The following PDGFD variants were observed in gnomAD, a reference collection of about 807,000 sequenced individuals.
The protein encoded by PDGFD is platelet derived growth factor D.
A neutral mutation model predicts 44.7 loss-of-function variants in PDGFD; 30 were observed. That is an observed-to-expected ratio of 0.67 (90% CI 0.50 to 0.91). The LOEUF (loss-of-function observed/expected upper bound fraction) is 0.91. Among genes scored for constraint, PDGFD ranks in the 40% least tolerant of loss-of-function variants. PDGFD has a pLI of 0.00. For synonymous variants in PDGFD, 173 were observed against 168.4 expected (o/e 1.03, Z -0.21); for missense variants, 445 against 457.8 (o/e 0.97, Z 0.25).
In PDGFD at chr11:103,909,781, A is replaced by G; in HGVS notation, c.1026T>C (p.Gly342=). 6.2e-7 allele frequency: 1 copy of G among 1,614,082 alleles called. No homozygotes were observed. The highest frequency in any genetic ancestry group is 8.5e-7 in the Non-Finnish European group (1 of 1,179,976). The change falls in exon 7 of 7, where the codon GGT becomes GGC. Residue 342 remains glycine (G), a synonymous_variant. Coordinates refer to ENST00000393158, the MANE Select transcript of PDGFD (RefSeq NM_025208.5). ...CAACTAGAGCCATGGTCTTAGCTCT[A>G]CCCCTCCTCTTGATGTGGCCAGGCT... ...QFEPGHIKRR[G]RAKTMALVDI... is the part of the protein sequence containing the mutation.
chr11:104,136,743 C>G (rs1333430360), intron 1 of PDGFD, among the ~76,000 whole-genome samples: 1 of 152,152 alleles, frequency 6.6e-6, no homozygotes, highest in East Asian at 1.9e-4. Context: ...CATACTAAAT[C>G]TAAGTCAACA....
intron 3 of PDGFD, among the ~76,000 whole-genome samples, chr11:103,991,033 G>A (rs1859442989): frequency 6.6e-6 from 1 of 152,008 alleles, no homozygotes; most frequent in Non-Finnish European, 1.5e-5. Context: ...CAGCTACTCA[G>A]GAGGCTGAGG....
chr11:104,140,303 T>C (rs1414404491), intron 1 of PDGFD, among the ~76,000 whole-genome samples: 1 of 152,080 alleles, frequency 6.6e-6, no homozygotes, highest in East Asian at 1.9e-4. Flanking sequence ...AAGGTCCTAA[T>C]TAAAGAAAAA....
chr11:104,114,306 T>TC (rs1861600964), intron 1 of PDGFD, among the ~76,000 whole-genome samples: 1 of 151,426 alleles, frequency 6.6e-6, no homozygotes, highest in South Asian at 2.1e-4. Flanking sequence ...CATTTTTTTT[T>TC]CTGCATGTGG....
intron 1 of PDGFD, among the ~76,000 whole-genome samples, chr11:104,010,118 A>G (rs187651669): frequency 2.6e-5 from 4 of 152,248 alleles, no homozygotes; most frequent in Admixed American, 6.5e-5. Context: ...AGATCTCAGT[A>G]GTAATACAAA....
At chr11:103,940,939 G>C (rs1215234449) in intron 5 of PDGFD, among the ~76,000 whole-genome samples, 4 of 152,078 alleles carry the variant, frequency 2.6e-5, no homozygotes, top group Non-Finnish European at 4.4e-5. Flanking sequence ...TTTTAATAAA[G>C]CTACCCTCTC....
intron 3 of PDGFD, among the ~76,000 whole-genome samples, chr11:103,993,329 G>C (rs1467470714): frequency 1.3e-5 from 2 of 151,350 alleles, no homozygotes; most frequent in Non-Finnish European, 2.9e-5. Context: ...CTCCTGCCTC[G>C]GCCTCCCAAA....
chr11:103,964,383 T>C (rs937649552), intron 3 of PDGFD, among the ~76,000 whole-genome samples: 2 of 152,172 alleles, frequency 1.3e-5, no homozygotes, highest in African/African-American at 4.8e-5. Context: ...TAATGCAGCA[T>C]AACCTAGCAA....
intron 4 of PDGFD, among the ~76,000 whole-genome samples, chr11:103,947,301 G>T (rs112243206): frequency 6.6e-6 from 1 of 152,134 alleles, no homozygotes; most frequent in African/African-American, 2.4e-5. Flanking sequence ...AGGAATATTC[G>T]AAAGCTATTT....
rs770728809 is a variant in PDGFD at position 103,947,702 on chromosome 11, G to C, written c.533C>G (p.Ala178Gly). The change falls in exon 4 of 7, where the codon GCT becomes GGT. Residue 178 changes from alanine (A) to glycine (G), a missense_variant. Ala to Gly is a moderately conservative substitution (Grantham distance 60, BLOSUM62 0). Coordinates refer to ENST00000393158, the MANE Select transcript of PDGFD (RefSeq NM_025208.5). ...GACAGATTCCCAGTTGGTCTCTGAA[G>C]CTGCTGCGGGTTGGAAATCTTCCTG... Reference protein sequence around the residue: ...SLLEDFQPAAASETNWESVTS... With the variant: ...SLLEDFQPAAGSETNWESVTS... 2.6e-5 allele frequency: 42 copies of C among 1,613,482 alleles called. No individual in the cohort carries two copies. The highest frequency in any genetic ancestry group is 3.2e-5 in the Non-Finnish European group (38 of 1,179,638).
chr11:104,082,713 C>G (rs1021565100), intron 1 of PDGFD, among the ~76,000 whole-genome samples: 1 of 152,008 alleles, frequency 6.6e-6, no homozygotes, highest in East Asian at 1.9e-4. Context: ...CTCACTGCAG[C>G]CTTGAACTTC....
chr11:104,041,971 T>C (rs974640773), intron 1 of PDGFD, among the ~76,000 whole-genome samples: 4 of 152,194 alleles, frequency 2.6e-5, no homozygotes, highest in Non-Finnish European at 5.9e-5. Flanking sequence ...CCATAAGCAC[T>C]TAAGTGATGA....
intron 1 of PDGFD, chr11:104,036,864 G>A (rs1860246904): frequency 5.0e-6 from 8 of 1,614,110 alleles, no homozygotes; most frequent in South Asian, 3.3e-5. Context: ...ACCTCTCCGA[G>A]GTCACCTTCT....
intron 1 of PDGFD, among the ~76,000 whole-genome samples, chr11:104,083,511 T>C (rs1453371735): frequency 6.6e-6 from 1 of 152,214 alleles, no homozygotes. Context: ...TATCACTAGA[T>C]TTCTTCACAA....
At chr11:104,014,656 G>A (rs1260508189) in intron 1 of PDGFD, among the ~76,000 whole-genome samples, 1 of 152,206 alleles carries the variant, frequency 6.6e-6, no homozygotes, top group Non-Finnish European at 1.5e-5. Context: ...GGGATTGTGT[G>A]TGCCTACATT....
intron 5 of PDGFD, among the ~76,000 whole-genome samples, chr11:103,937,747 C>T (rs1858515288): frequency 7.4e-6 from 1 of 135,098 alleles, no homozygotes; most frequent in African/African-American, 2.8e-5. Flanking sequence ...TGTTCCCCTT[C>T]CTGTGTCCAT....
At chr11:104,109,201 TA>T (rs141730351) in intron 1 of PDGFD, among the ~76,000 whole-genome samples, 13,711 of 148,216 alleles carry the variant, frequency 0.093, 719 homozygotes, top group East Asian at 0.27. Flanking sequence ...AAAGTATAAT[TA>T]AAAAAAAAAG....
intron 1 of PDGFD, among the ~76,000 whole-genome samples, chr11:104,050,004 G>C (rs1409654001): frequency 6.6e-6 from 1 of 152,188 alleles, no homozygotes; most frequent in African/African-American, 2.4e-5. Flanking sequence ...GGGGCCATGA[G>C]AGAACACCTT....
intron 1 of PDGFD, among the ~76,000 whole-genome samples, chr11:104,086,113 G>C (rs1861126095): frequency 1.3e-5 from 2 of 152,190 alleles, no homozygotes; most frequent in South Asian, 4.1e-4. Flanking sequence ...GACAGCAAAA[G>C]AGGTCTCCCC....
Sources: allele counts gnomAD v4.1 joint callset (sites outside exome capture counted in the v4.1 genomes callset), GRCh38; gene constraint gnomAD v4.1.1; transcripts MANE v1.5; gene names NCBI Gene and HGNC (gene_info 2026-07-23, HGNC 2026-07-21).